Variants in POLA1 observed in about 807,000 individuals in gnomAD.
The protein encoded by POLA1 is DNA polymerase alpha catalytic subunit.
Under a neutral mutation model 124.0 loss-of-function variants are expected in POLA1, and 15 were observed. The observed-to-expected ratio is 0.12, with a 90% confidence interval of 0.08 to 0.19. The LOEUF (loss-of-function observed/expected upper bound fraction) is 0.19, where lower values mean the gene tolerates loss of function less well. Ranked by LOEUF, POLA1 falls within the 10% of genes least tolerant of loss-of-function variation. POLA1 has a pLI of 1.00. For synonymous variants in POLA1, 408 were observed against 389.4 expected, an observed-to-expected ratio of 1.05 and a Z score of -0.56; for missense variants, 886 against 1,103.4, an observed-to-expected ratio of 0.80 and a Z score of 2.79.
intron 26 of POLA1, among the ~76,000 whole-genome samples, chrX:24,791,026 A>C (rs1035000195): frequency 1.4e-4 from 15 of 108,265 alleles, no homozygotes; most frequent in Non-Finnish European, 2.9e-4. Flanking sequence ...ATTTCAGCAA[A>C]AGCAGGCAAT....
chrX:24,704,556 C>T, intron 4 of POLA1, 87 bp downstream of exon 4: 1 of 596,989 alleles, frequency 1.7e-6, no homozygotes, highest in Non-Finnish European at 2.8e-6. Flanking sequence ...TGATAGTTTA[C>T]CTTTGAGAGA....
intron 20 of POLA1, among the ~76,000 whole-genome samples, chrX:24,740,430 A>G (rs933569734): frequency 2.7e-5 from 3 of 111,555 alleles, no homozygotes; most frequent in Admixed American, 9.6e-5. Flanking sequence ...TTATATGCCT[A>G]TCCCCTTACT....
At chrX:24,721,995 T>G (rs1426266384) in intron 10 of POLA1, among the ~76,000 whole-genome samples, 1 of 110,902 alleles carries the variant, frequency 9.0e-6, no homozygotes, top group Non-Finnish European at 1.9e-5. Context: ...CCACCCTCCG[T>G]TACCCCCTCA....
rs954835413 is a variant in POLA1 at position 24,723,146 on chromosome X, T to C, written c.1088-9T>C. 1 of 1,126,122 alleles carries C rather than the reference T, an allele frequency of 8.9e-7. No homozygotes were observed. Among genetic ancestry groups the C allele is most frequent in the South Asian group, 1.8e-5 (1 of 54,714 alleles). 92.8% of individuals were successfully genotyped at this position (1,126,122 alleles called of 1,213,427 possible). The stretch of plus-strand genomic sequence containing the variant: ...TTTCTTTTCTCGTGATTTTCACTTA[T>C]TCTTTCAGGTGTGGTATTTCTGTTT... On this transcript the variant is annotated splice_polypyrimidine_tract_variant and intron_variant, in intron 10 of 36. Transcript: ENST00000379068.
chrX:24,821,269 A>T (rs2046083183), intron 30 of POLA1, among the ~76,000 whole-genome samples, 183 bp from the exon 31 acceptor site: 1 of 112,085 alleles, frequency 8.9e-6, no homozygotes, highest in Admixed American at 9.5e-5. Flanking sequence ...TTATTGAACA[A>T]AGGAGAGAGG....
intron 35 of POLA1, among the ~76,000 whole-genome samples, chrX:24,891,712 G>A (rs1311947429): frequency 1.8e-5 from 2 of 111,808 alleles, no homozygotes; most frequent in African/African-American, 6.5e-5. Flanking sequence ...TACATCCTAG[G>A]CACTTTGCTA....
At position 24,713,223 on chromosome X, in the gene POLA1, A is replaced by G. The variant is rs924408730; in HGVS notation, c.347-1331A>G. On this transcript the variant is annotated intron_variant, in intron 4 of 36. Coordinates refer to ENST00000379068, the MANE Select transcript of POLA1 (RefSeq NM_001330360.2). ...CGTGATCTGCCTGCCTCGGCCTCCC[A>G]AAGTGCTGGGATTACAGGCGTGAGC... is the stretch of plus-strand genomic sequence containing the variant. Among the ~76,000 whole-genome samples the G allele has an allele frequency of 2.7e-5, 3 of 111,192 alleles. No homozygotes were observed. In the East Asian group the frequency reaches 8.5e-4, roughly 32 times the overall value.
chrX:24,719,766 G>A (rs1193802251), intron 10 of POLA1, among the ~76,000 whole-genome samples: 1 of 111,751 alleles, frequency 8.9e-6, no homozygotes, highest in African/African-American at 3.3e-5. Context: ...AAACCTGGGA[G>A]CCATCCTTGA....
chrX:24,960,004 T>A (rs1047108975), intron 36 of POLA1, among the ~76,000 whole-genome samples: 3 of 111,446 alleles, frequency 2.7e-5, no homozygotes, highest in East Asian at 5.6e-4. Flanking sequence ...TTCTTTGAAG[T>A]CTTTTGGGAT....
In POLA1 at chrX:24,748,348, C is replaced by T; in HGVS notation, c.2729C>T (p.Pro910Leu). The T allele has an allele frequency of 8.4e-7, 1 of 1,197,018 alleles. No individual in the cohort carries two copies. Among genetic ancestry groups the T allele is most frequent in the Non-Finnish European group, 1.1e-6 (1 of 883,493 alleles). ...GAACAGATCCCTGAGTTGCCAGATC[C>T]AAGCTTAGAAATGGGCATTTTGCCC... ...EQEQIPELPD[P>L]SLEMGILPRE... is the part of the protein sequence containing the mutation. The change falls in exon 25 of 37, where the codon CCA becomes CTA. Residue 910 changes from proline to leucine, a missense_variant. By Grantham distance (98) the Pro-to-Leu change is moderately conservative (BLOSUM62 -3). Around this residue, in one of 7 missense-constraint regions of POLA1, gnomAD observed 182 missense variants for 252.8 expected, o/e 0.72. Coordinates refer to ENST00000379068, the MANE Select transcript of POLA1 (RefSeq NM_001330360.2).
chrX:24,939,848 A>G (rs762049248), intron 36 of POLA1, among the ~76,000 whole-genome samples: 3 of 112,001 alleles, frequency 2.7e-5, no homozygotes, highest in African/African-American at 6.5e-5. Flanking sequence ...AAAACTGTCA[A>G]TGGAAAGGGC....
At chrX:24,847,738 C>T (rs1183565164) in intron 34 of POLA1, among the ~76,000 whole-genome samples, 9 of 112,157 alleles carry the variant, frequency 8.0e-5, no homozygotes, top group Admixed American at 3.8e-4. Context: ...TCTGCCACAG[C>T]CCTTGCTCTC....
chrX:24,723,132 G>T, intron 10 of POLA1, 23 bp from the exon 11 acceptor site: 1 of 1,050,892 alleles, frequency 9.5e-7, no homozygotes, highest in African/African-American at 1.8e-5. Context: ...TTCTTTTCTC[G>T]TGATTTTCAC....
At chrX:24,814,957 G>GTTTT (rs749255466) in intron 29 of POLA1, 22 bp from the exon 30 acceptor site, 100 of 856,788 alleles carry the variant, frequency 1.2e-4, no homozygotes, top group Admixed American at 2.8e-4. Context: ...TCTTTGTTTT[G>GTTTT]TTTTTTTTTT....
At chrX:24,752,011 G>T (rs1295265625) in intron 26 of POLA1, among the ~76,000 whole-genome samples, 3 of 111,850 alleles carry the variant, frequency 2.7e-5, no homozygotes, top group African/African-American at 9.7e-5. Context: ...CATTGCAAAA[G>T]ATTATAAAAT....
chrX:24,962,269 T>TA (rs779845989), intron 36 of POLA1, among the ~76,000 whole-genome samples: 86 of 110,477 alleles, frequency 7.8e-4, no homozygotes, highest in African/African-American at 2.4e-3. Context: ...TGAAAAACTG[T>TA]AAAAAAAAGT....
At chrX:24,870,685 C>G (rs1161099144) in intron 34 of POLA1, among the ~76,000 whole-genome samples, 1 of 111,681 alleles carries the variant, frequency 9.0e-6, no homozygotes, top group African/African-American at 3.3e-5. Flanking sequence ...AACAGCATCT[C>G]CTAAGCCCTA....
chrX:24,951,598 G>C (rs922799471), intron 36 of POLA1, among the ~76,000 whole-genome samples: 1 of 110,604 alleles, frequency 9.0e-6, no homozygotes, highest in Admixed American at 9.7e-5. Flanking sequence ...TGCAGTGACA[G>C]GTTTATTTAT....
chrX:24,791,576 G>A (rs2045497741), intron 26 of POLA1, among the ~76,000 whole-genome samples: 1 of 112,057 alleles, frequency 8.9e-6, no homozygotes, highest in Non-Finnish European at 1.9e-5. Context: ...AGTAGAGATG[G>A]AGTTTCATCA....
Sources: allele counts gnomAD v4.1 joint callset (sites outside exome capture counted in the v4.1 genomes callset), GRCh38; gene constraint gnomAD v4.1.1; regional missense constraint gnomAD v4.1.1; transcripts MANE v1.5; gene names NCBI Gene and HGNC (gene_info 2026-07-23, HGNC 2026-07-21).